PVR: variants seen among roughly 807,000 people sequenced by gnomAD.
PVR encodes the protein PVR cell adhesion molecule.
Under a neutral mutation model 43.3 loss-of-function variants are expected in PVR, and 39 were observed. The observed-to-expected ratio is 0.90, with a 90% CI of 0.70 to 1.18. PVR has a LOEUF of 1.18. PVR is among the 50% of genes most tolerant of loss of function. PVR has a pLI of 0.00. For missense variants in PVR, 480 were observed against 549.7 expected (o/e 0.87, Z 1.27); for synonymous variants, 224 against 233.2 (o/e 0.96, Z 0.36).
Position 44,664,829 on chromosome 19 carries a change from C to G in PVR, c.*3018C>G, listed in dbSNP as rs1023409663. The G allele has an allele frequency of 6.6e-6, 1 of 151,968 alleles. No individual in the cohort carries two copies. Among genetic ancestry groups the G allele is most frequent in the African/African-American group, 2.4e-5 (1 of 41,356 alleles). 9.4% of individuals were successfully genotyped at this position (151,968 alleles called of 1,614,324 possible). A position where few individuals can be genotyped will look rare whatever the true frequency, so the allele number is the denominator to read the frequency against. On this transcript the variant is annotated 3_prime_UTR_variant, in exon 8 of 8. Coordinates refer to ENST00000425690, the MANE Select transcript of PVR (RefSeq NM_006505.5). ...CTCCTAAAGTACTGGGATTTATAGG[C>G]ATAAGCCACCGTGCCTGGCCAATGC...
chr19:44,647,135 C>A, intron 1 of PVR, 88 bp from the exon 2 acceptor site: 1 of 835,112 alleles, frequency 1.2e-6, no homozygotes, highest in Non-Finnish European at 1.7e-6. Flanking sequence ...CGTGCAAGTG[C>A]ACGCCCAGGT....
rs533662868 is a variant in PVR, at chr19:44,660,183, C to T, written c.1151-1109C>T. ...ACTGTCATGACTGTGTCCCCAGGAC[C>T]GCCTACCACTGGGCCGGGCATAAAA... On this transcript the variant is annotated intron_variant, in intron 6 of 7. Transcript: ENST00000425690. Among the ~76,000 whole-genome samples the T allele has an allele frequency of 1.8e-4, 28 of 152,258 alleles. No individual in the cohort carries two copies. In the East Asian group the frequency reaches 5.0e-3, roughly 27 times the overall value.
intron 3 of PVR, among the ~76,000 whole-genome samples, chr19:44,652,978 G>GTGC (rs1351495516): frequency 3.9e-5 from 6 of 152,008 alleles, no homozygotes; most frequent in Admixed American, 3.9e-4. Context: ...TATATTTCGA[G>GTGC]TGCTCAGTAG....
intron 1 of PVR, 29 bp downstream of exon 1, chr19:44,644,204 C>A: frequency 6.9e-7 from 1 of 1,458,160 alleles, no homozygotes; most frequent in Non-Finnish European, 9.0e-7. Flanking sequence ...GTCCGGTGGC[C>A]CCTGTCTGGC....
At chr19:44,651,169 C>T (rs1422782665) in intron 3 of PVR, among the ~76,000 whole-genome samples, 1 of 152,182 alleles carries the variant, frequency 6.6e-6, no homozygotes, top group Non-Finnish European at 1.5e-5. Flanking sequence ...CACCTGGCCC[C>T]TTGTCCATTT....
At position 44,662,046 on chromosome 19, in the gene PVR, T is replaced by G. The variant is rs537696594; in HGVS notation, c.*235T>G. 4.7e-5 allele frequency: 26 copies of G among 551,418 alleles called. No homozygotes were observed. The Admixed American group carries it at 6.1e-4, about 13-fold the overall frequency. The allele number at this position is 551,418 out of a possible 1,614,324, so 34.2% of individuals were successfully genotyped here. A position where few individuals can be genotyped will look rare whatever the true frequency, so the allele number is the denominator to read the frequency against. ...AAAGCTGTTAGGCTCACAGTTACAGTTTATTACAGTAAAAGGACAGAGATT... is the reference window on the plus strand; with the variant it reads ...AAAGCTGTTAGGCTCACAGTTACAGGTTATTACAGTAAAAGGACAGAGATT... On this transcript the variant is annotated 3_prime_UTR_variant, in exon 8 of 8. Coordinates refer to ENST00000425690, the MANE Select transcript of PVR (RefSeq NM_006505.5).
chr19:44,652,050 G>A (rs1010933059), intron 3 of PVR, among the ~76,000 whole-genome samples: 6 of 152,080 alleles, frequency 3.9e-5, no homozygotes, highest in Non-Finnish European at 8.8e-5. Context: ...CCAGCTACTC[G>A]GGAGACTGAG....
At position 44,665,762 on chromosome 19, in the gene PVR, CCAAG is replaced by C. The variant is rs1222974145; in HGVS notation, c.*3952_*3955del. ...CACATATTGGCATCACCCTCTGGTG[CCAAG>C]ATGGCTGCTGCATTCCAGGCATCAC... On this transcript the variant is annotated 3_prime_UTR_variant, in exon 8 of 8. Coordinates refer to ENST00000425690, the MANE Select transcript of PVR (RefSeq NM_006505.5). 1 of 152,376 alleles carries C rather than the reference CCAAG, an allele frequency of 6.6e-6. No homozygotes were observed. Among genetic ancestry groups the C allele is most frequent in the Non-Finnish European group, 1.5e-5 (1 of 68,232 alleles). The allele number at this position is 152,376 out of a possible 1,614,324, so 9.4% of individuals were successfully genotyped here.
chr19:44,646,468 G>C (rs528865414), intron 1 of PVR, among the ~76,000 whole-genome samples: 1 of 152,242 alleles, frequency 6.6e-6, no homozygotes. Context: ...ACACTGGTGC[G>C]ATGAAAAAGT....
At chr19:44,658,669 A>G (rs1973516614) in intron 5 of PVR, 73 bp from the exon 6 acceptor site, 2 of 1,362,402 alleles carry the variant, frequency 1.5e-6, no homozygotes, top group Admixed American at 2.1e-5. Context: ...AGGAAATTCA[A>G]GATGCCATTT....
intron 6 of PVR, 119 bp from the exon 7 acceptor site, chr19:44,661,173 C>T (rs1973580638): frequency 3.3e-6 from 3 of 895,552 alleles, no homozygotes; most frequent in Admixed American, 1.9e-5. Flanking sequence ...GAAATGGCAC[C>T]CCCATGTAAT....
At chr19:44,661,243 G>A (rs1462879392) in intron 6 of PVR, 49 bp from the exon 7 acceptor site, 2 of 1,570,362 alleles carry the variant, frequency 1.3e-6, no homozygotes, top group Admixed American at 3.3e-5. Flanking sequence ...TTCTTCCCAT[G>A]CTTCCCAGCA....
In PVR at chr19:44,645,136, ATATATATTATT is replaced by A. The variant is rs1973057351; in HGVS notation, c.79+962_79+972del. 1.3e-4 allele frequency among the ~76,000 whole-genome samples: 9 copies of A among 69,344 alleles called. 2 individuals are homozygous for A. The highest frequency in any genetic ancestry group is 5.0e-4 in the Admixed American group (2 of 4,028). The allele number at this position is 69,344 out of a possible 152,430, so 45.5% of individuals were successfully genotyped here. ...AATATATAATATATTATAATATATT[ATATATATTATT>A]ATAATATATAATATGTATATTATAT... On this transcript the variant is annotated intron_variant, in intron 1 of 7. Transcript: ENST00000425690.
At position 44,657,855 on chromosome 19, in the gene PVR, C is replaced by A; in HGVS notation, c.936C>A (p.Cys312Ter). Residue 312 changes from cysteine (C) to a stop codon, truncating the protein, a stop_gained, in exon 5 of 8, where the codon TGC becomes TGA. Transcript: ENST00000425690. LOFTEE classifies it high-confidence loss of function. The part of the protein sequence containing the change: ...VDKPINTTLI[C>*]NVTNALGARQ... ...AACCAATCAACACAACTTTAATCTG[C>A]AACGTCACCAATGCCCTAGGAGCTC... 1 of 1,613,980 alleles carries A rather than the reference C, an allele frequency of 6.2e-7. No homozygotes were observed. The highest frequency in any genetic ancestry group is 8.5e-7 in the Non-Finnish European group (1 of 1,179,938).
Position 44,647,337 on chromosome 19 carries a change from C to T in PVR, c.194C>T (p.Thr65Ile). Residue 65 changes from threonine (T) to isoleucine (I), a missense_variant, in exon 2 of 8, where the codon ACT becomes ATT. Coordinates refer to ENST00000425690, the MANE Select transcript of PVR (RefSeq NM_006505.5). Reference protein sequence around the residue: ...NMEVTHVSQLTWARHGESGSM... With the variant: ...NMEVTHVSQLIWARHGESGSM... Reference sequence around the variant, plus strand: ...GAGGTGACGCATGTGTCACAGCTGACTTGGGCGCGGCATGGTGAATCTGGC... The same window carrying T: ...GAGGTGACGCATGTGTCACAGCTGATTTGGGCGCGGCATGGTGAATCTGGC... The T allele has an allele frequency of 6.2e-7, 1 of 1,613,228 alleles. No individual in the cohort carries two copies. Among genetic ancestry groups the T allele is most frequent in the East Asian group, 2.2e-5 (1 of 44,838 alleles).
intron 1 of PVR, 137 bp from the exon 2 acceptor site, chr19:44,647,086 C>A: frequency 2.2e-6 from 1 of 444,908 alleles, no homozygotes; most frequent in South Asian, 3.6e-5. Flanking sequence ...TTCCCCCTCC[C>A]CCCACACCCC....
chr19:44,661,824 TGA>T lies in PVR; in HGVS notation c.*17_*18del, dbSNP rs371941343. 60 of 1,613,032 alleles carry T rather than the reference TGA, an allele frequency of 3.7e-5. No homozygotes were observed. The African/African-American group carries it at 6.8e-4, about 18-fold the overall frequency. On this transcript the variant is annotated 3_prime_UTR_variant, in exon 8 of 8. Transcript: ENST00000425690. ...GGGCACAAGGTGACAGCGTCGGGAC[TGA>T]GAGGGGAGAGAGACTGGAGCTGGCA...
chr19:44,646,171 A>C (rs926445610), intron 1 of PVR, among the ~76,000 whole-genome samples: 1 of 152,186 alleles, frequency 6.6e-6, no homozygotes, highest in Non-Finnish European at 1.5e-5. Flanking sequence ...CCACTGTTCT[A>C]AGTCTCATTT....
At chr19:44,650,296 G>A (rs892393010) in intron 3 of PVR, among the ~76,000 whole-genome samples, 191 bp downstream of exon 3, 3 of 152,052 alleles carry the variant, frequency 2.0e-5, no homozygotes, top group African/African-American at 4.8e-5. Context: ...TGTCCCTATT[G>A]TCTACACCAG....
Sources: gnomAD v4.1 joint callset for allele counts (sites outside exome capture counted in the v4.1 genomes callset) on GRCh38, gnomAD v4.1.1 for gene constraint, MANE v1.5 for transcripts, NCBI Gene and HGNC (gene_info 2026-07-23, HGNC 2026-07-21) for gene names.